Variants in CHL1 observed in about 807,000 individuals in gnomAD.
The protein encoded by CHL1 is neural cell adhesion molecule L1-like protein.
A neutral mutation model predicts 141.9 loss-of-function variants in CHL1; 96 were observed. That is an observed-to-expected ratio of 0.68 (90% CI 0.57 to 0.80). CHL1 has a LOEUF of 0.80. CHL1 is among the 30% of genes least tolerant of loss of function. The probability of loss-of-function intolerance (pLI) is 0.00; values close to 1 mark genes in which losing one functional copy is unlikely to be tolerated. For missense variants in CHL1, 1,820 were observed against 1,457.2 expected, an observed-to-expected ratio of 1.25 and a Z score of -4.05; for synonymous variants, 613 against 502.2, an observed-to-expected ratio of 1.22 and a Z score of -2.95.
intron 2 of CHL1, among the ~76,000 whole-genome samples, chr3:307,869 G>A (rs373619520): frequency 1.3e-5 from 2 of 152,154 alleles, no homozygotes; most frequent in East Asian, 1.9e-4. Context: ...AAATTCAGTA[G>A]CCTCTACATT....
chr3:241,805 TG>T (rs1214491204), intron 1 of CHL1, among the ~76,000 whole-genome samples: 1 of 152,160 alleles, frequency 6.6e-6, no homozygotes, highest in African/African-American at 2.4e-5. Flanking sequence ...TATATTTATT[TG>T]TATCTCTTAA....
intron 2 of CHL1, among the ~76,000 whole-genome samples, chr3:276,696 T>C (rs571504087): frequency 3.9e-5 from 6 of 152,018 alleles, no homozygotes; most frequent in Admixed American, 1.3e-4. Flanking sequence ...GAGACCGTCC[T>C]GGCTAACAGG....
chr3:262,772 A>G (rs1694842215), intron 2 of CHL1, among the ~76,000 whole-genome samples: 2 of 152,226 alleles, frequency 1.3e-5, no homozygotes, highest in South Asian at 4.1e-4. Flanking sequence ...TTTTGGAAGA[A>G]AGGACAGAAA....
At chr3:223,757 C>G (rs953576971) in intron 1 of CHL1, among the ~76,000 whole-genome samples, 1 of 152,104 alleles carries the variant, frequency 6.6e-6, no homozygotes, top group Non-Finnish European at 1.5e-5. Flanking sequence ...TCTGAAAGCT[C>G]AGAGGCTAAG....
intron 1 of CHL1, among the ~76,000 whole-genome samples, chr3:219,075 G>A (rs1256492159): frequency 8.7e-5 from 6 of 69,362 alleles, no homozygotes; most frequent in Non-Finnish European, 1.4e-4. Context: ...CATGAACCCG[G>A]GAGGTGGAGC....
In CHL1 at chr3:319,874, T is replaced by A; in HGVS notation, c.91+7T>A. ...ATTGAAATACCATCTTCAGGTAAAGTTAAAACATTCAGTGCCTATTAATGG... is the reference window on the plus strand; with the variant it reads ...ATTGAAATACCATCTTCAGGTAAAGATAAAACATTCAGTGCCTATTAATGG... On this transcript the variant is annotated splice_region_variant and intron_variant, in intron 3 of 27. Coordinates refer to ENST00000256509, the MANE Select transcript of CHL1 (RefSeq NM_006614.4). The A allele has an allele frequency of 2.0e-6, 3 of 1,517,374 alleles. No individual in the cohort carries two copies. The highest frequency in any genetic ancestry group is 1.4e-5 in the African/African-American group (1 of 71,982). The allele number at this position is 1,517,374 out of a possible 1,614,324, so 94.0% of individuals were successfully genotyped here. A position where few individuals can be genotyped will look rare whatever the true frequency, so the allele number is the denominator to read the frequency against.
intron 15 of CHL1, 117 bp from the exon 16 acceptor site, chr3:377,701 A>T: frequency 9.2e-6 from 8 of 867,666 alleles, no homozygotes; most frequent in South Asian, 6.0e-5. Context: ...GCATTGCATA[A>T]AGTCATCTTT....
intron 19 of CHL1, among the ~76,000 whole-genome samples, chr3:387,821 G>T (rs2125428363): frequency 6.6e-6 from 1 of 152,222 alleles, no homozygotes; most frequent in Non-Finnish European, 1.5e-5. Flanking sequence ...GAAAATCTCA[G>T]AAAGTTTTCA....
intron 9 of CHL1, among the ~76,000 whole-genome samples, chr3:345,705 G>A (rs1185368182): frequency 1.3e-5 from 2 of 151,954 alleles, no homozygotes; most frequent in South Asian, 2.1e-4. Context: ...GGAAGGTCTC[G>A]ATCTCCGGAC....
At chr3:311,523 C>A (rs1477518394) in intron 2 of CHL1, among the ~76,000 whole-genome samples, 1 of 152,114 alleles carries the variant, frequency 6.6e-6, no homozygotes, top group Non-Finnish European at 1.5e-5. Context: ...ATGCAAATAG[C>A]ACTGCCCAGT....
chr3:405,947 A>T lies in CHL1; in HGVS notation c.*236A>T, dbSNP rs1709506654. 2 of 441,654 alleles carry T rather than the reference A, an allele frequency of 4.5e-6. No homozygotes were observed. Among genetic ancestry groups the T allele is most frequent in the East Asian group, 8.4e-5 (2 of 23,898 alleles). The allele number at this position is 441,654 out of a possible 1,614,324, so 27.4% of individuals were successfully genotyped here. On this transcript the variant is annotated 3_prime_UTR_variant, in exon 28 of 28. Coordinates refer to ENST00000256509, the MANE Select transcript of CHL1 (RefSeq NM_006614.4). ...TTCAGGTGCTCAAAATGCAAAACACAAAACAAATCCTGCATTTAGATACAC... is the reference window on the plus strand; with the variant it reads ...TTCAGGTGCTCAAAATGCAAAACACTAAACAAATCCTGCATTTAGATACAC...
At chr3:298,571 G>C (rs1698421079) in intron 2 of CHL1, among the ~76,000 whole-genome samples, 1 of 152,158 alleles carries the variant, frequency 6.6e-6, no homozygotes, top group African/African-American at 2.4e-5. Context: ...TTTATCATAA[G>C]CAGTGCTAGA....
chr3:270,611 A>C lies in CHL1; in HGVS notation c.-95+25919A>C, dbSNP rs543692970. On this transcript the variant is annotated intron_variant, in intron 2 of 27. Coordinates refer to ENST00000256509, the MANE Select transcript of CHL1 (RefSeq NM_006614.4). ...CTGTTGTTCTAGTTACTGTTAGTGC[A>C]TAAAAAATTACCCAAAATTTGGTGG... is the stretch of plus-strand genomic sequence containing the variant. 5.9e-5 allele frequency among the ~76,000 whole-genome samples: 9 copies of C among 152,352 alleles called. No individual in the cohort carries two copies. The South Asian group carries it at 1.9e-3, about 32-fold the overall frequency.
At chr3:253,944 T>C (rs1693926074) in intron 2 of CHL1, among the ~76,000 whole-genome samples, 2 of 152,190 alleles carry the variant, frequency 1.3e-5, no homozygotes, top group Non-Finnish European at 2.9e-5. Context: ...GCCATCATGT[T>C]AGATATTATA....
At chr3:398,989 A>T (rs1708900164) in intron 25 of CHL1, 28 bp from the exon 26 acceptor site, 2 of 1,607,186 alleles carry the variant, frequency 1.2e-6, no homozygotes, top group African/African-American at 2.7e-5. Context: ...TCTAGTTTAC[A>T]ATGCTGTGAC....
chr3:276,371 T>C (rs894592421), intron 2 of CHL1, among the ~76,000 whole-genome samples: 2 of 152,174 alleles, frequency 1.3e-5, no homozygotes, highest in Non-Finnish European at 2.9e-5. Context: ...TCAGACATTT[T>C]TGAGGAGTTG....
At chr3:257,828 A>G (rs904168302) in intron 2 of CHL1, among the ~76,000 whole-genome samples, 3 of 152,222 alleles carry the variant, frequency 2.0e-5, no homozygotes, top group Non-Finnish European at 4.4e-5. Flanking sequence ...AAGTAAGCCA[A>G]TTACAAATAA....
intron 14 of CHL1, among the ~76,000 whole-genome samples, chr3:365,464 A>G (rs1039858046): frequency 7.2e-5 from 11 of 152,192 alleles, no homozygotes; most frequent in African/African-American, 2.4e-4. Flanking sequence ...CACAGGCCCT[A>G]CTTCCCTGAG....
At chr3:351,721 G>T (rs1319200821) in intron 10 of CHL1, among the ~76,000 whole-genome samples, 1 of 152,116 alleles carries the variant, frequency 6.6e-6, no homozygotes, top group Non-Finnish European at 1.5e-5. Flanking sequence ...TATGTGCAAT[G>T]TCTTTCCTAT....
Sources: gnomAD v4.1 joint callset for allele counts (sites outside exome capture counted in the v4.1 genomes callset) on GRCh38, gnomAD v4.1.1 for gene constraint, MANE v1.5 for transcripts, NCBI Gene and HGNC (gene_info 2026-07-23, HGNC 2026-07-21) for gene names.